CSMD3: variants seen among roughly 807,000 people sequenced by gnomAD.
CSMD3 encodes CUB and Sushi multiple domains 3.
Under a neutral mutation model 435.2 loss-of-function variants are expected in CSMD3, and 177 were observed. That is an observed-to-expected ratio of 0.41 (90% confidence interval 0.36 to 0.46). The LOEUF (loss-of-function observed/expected upper bound fraction) is 0.46, where lower values mean the gene tolerates loss of function less well. Among genes scored for constraint, CSMD3 ranks in the 20% least tolerant of loss-of-function variants. The probability of loss-of-function intolerance (pLI) is 0.34; values close to 1 mark genes in which losing one functional copy is unlikely to be tolerated. For synonymous variants in CSMD3, 1,656 were observed against 1,520.5 expected, an observed-to-expected ratio of 1.09 and a Z score of -2.07; for missense variants, 4,265 against 4,504.6, an observed-to-expected ratio of 0.95 and a Z score of 1.52.
At chr8:113,334,836 A>G (rs1054101750) in intron 1 of CSMD3, among the ~76,000 whole-genome samples, 1 of 151,940 alleles carries the variant, frequency 6.6e-6, no homozygotes, top group African/African-American at 2.4e-5. Context: ...TAAGTTGTCC[A>G]ATTGATGTGT....
chr8:113,183,663 T>C (rs1285889967), intron 3 of CSMD3, among the ~76,000 whole-genome samples: 1 of 152,040 alleles, frequency 6.6e-6, no homozygotes, highest in African/African-American at 2.4e-5. Flanking sequence ...ATTCACTCTC[T>C]TCTTGAAAAT....
chr8:113,017,061 C>CTTCAATTT (rs2086486355), intron 6 of CSMD3, among the ~76,000 whole-genome samples: 1 of 151,772 alleles, frequency 6.6e-6, no homozygotes, highest in African/African-American at 2.4e-5. Flanking sequence ...AAAATCAAAG[C>CTTCAATTT]TTCAATTTTC....
rs549255639 is a variant in CSMD3, at chr8:112,455,088, TG to T, written c.5395+17502del. ...CCATTTGACCCAGGAATCCCATTAC[TG>T]GGTATATACCCAAAGGAAAATAAAT... is the stretch of plus-strand genomic sequence containing the variant. On this transcript the variant is annotated intron_variant, in intron 32 of 70. Coordinates refer to ENST00000297405, the MANE Select transcript of CSMD3 (RefSeq NM_198123.2). 4.7e-3 allele frequency among the ~76,000 whole-genome samples: 717 copies of T among 151,806 alleles called. 3 individuals carry two copies. The highest frequency in any genetic ancestry group is 5.9e-3 in the Non-Finnish European group (398 of 67,962).
At chr8:112,806,153 T>C (rs1189118312) in intron 12 of CSMD3, among the ~76,000 whole-genome samples, 1 of 152,078 alleles carries the variant, frequency 6.6e-6, no homozygotes, top group Non-Finnish European at 1.5e-5. Context: ...AAAACTCTAA[T>C]GAAATAACTG....
chr8:112,876,514 A>G (rs2081286229), intron 10 of CSMD3, among the ~76,000 whole-genome samples: 1 of 152,220 alleles, frequency 6.6e-6, no homozygotes, highest in Non-Finnish European at 1.5e-5. Flanking sequence ...CTTGGGATGC[A>G]AGGCTGGTTC....
Position 112,830,017 on chromosome 8 carries a change from A to G in CSMD3, c.1756-228T>C, listed in dbSNP as rs567672411. On this transcript the variant is annotated intron_variant, in intron 11 of 70. Transcript: ENST00000297405. The stretch of plus-strand genomic sequence containing the variant: ...ATTCTTAAAGTTCAATCATATCATT[A>G]CATGACTTTTACTTGCTGTATTGTA... 1.7e-3 allele frequency among the ~76,000 whole-genome samples: 256 copies of G among 152,262 alleles called. 7 individuals are homozygous for G. In the South Asian group the frequency reaches 0.023, roughly 14 times the overall value.
At chr8:112,726,033 C>A (rs1315961774) in intron 13 of CSMD3, among the ~76,000 whole-genome samples, 2 of 151,870 alleles carry the variant, frequency 1.3e-5, no homozygotes, top group Admixed American at 1.3e-4. Context: ...AAAAGGGAAG[C>A]AAGGCACCTT....
intron 18 of CSMD3, among the ~76,000 whole-genome samples, chr8:112,654,681 G>A (rs1351912001): frequency 1.3e-5 from 2 of 152,140 alleles, no homozygotes; most frequent in Non-Finnish European, 2.9e-5. Context: ...ATCATTTATT[G>A]AGAACATACT....
intron 3 of CSMD3, among the ~76,000 whole-genome samples, chr8:113,273,078 A>G (rs574930113): frequency 6.6e-6 from 1 of 152,240 alleles, no homozygotes; most frequent in Admixed American, 6.5e-5. Flanking sequence ...CTCTTATTTG[A>G]TCATTACACC....
chr8:113,197,287 C>G (rs1434997383), intron 3 of CSMD3, among the ~76,000 whole-genome samples: 1 of 150,644 alleles, frequency 6.6e-6, no homozygotes, highest in Non-Finnish European at 1.5e-5. Flanking sequence ...TATAGAATTG[C>G]CTTCAGCCTA....
At chr8:112,611,421 CTTCT>C (rs1833250621) in intron 22 of CSMD3, among the ~76,000 whole-genome samples, 1 of 152,198 alleles carries the variant, frequency 6.6e-6, no homozygotes, top group South Asian at 2.1e-4. Flanking sequence ...GAGTTATTGT[CTTCT>C]TTATGTTAAT....
intron 32 of CSMD3, among the ~76,000 whole-genome samples, chr8:112,432,101 G>C (rs1465179784): frequency 6.6e-6 from 1 of 151,242 alleles, no homozygotes; most frequent in African/African-American, 2.4e-5. Context: ...ACCTCCTACA[G>C]GTGAAAAAAA....
chr8:112,987,741 A>G (rs184787686), intron 6 of CSMD3, among the ~76,000 whole-genome samples: 78 of 152,136 alleles, frequency 5.1e-4, no homozygotes, highest in African/African-American at 1.8e-3. Flanking sequence ...TATTTTCACT[A>G]TATTTCTTTT....
intron 32 of CSMD3, among the ~76,000 whole-genome samples, chr8:112,451,127 T>C (rs1816217110): frequency 6.6e-6 from 1 of 152,126 alleles, no homozygotes; most frequent in Non-Finnish European, 1.5e-5. Flanking sequence ...AAAATACAGG[T>C]AGCTACAAAT....
At chr8:113,285,216 G>A (rs1005842947) in intron 2 of CSMD3, among the ~76,000 whole-genome samples, 6 of 151,256 alleles carry the variant, frequency 4.0e-5, no homozygotes, top group African/African-American at 1.2e-4. Context: ...TGAATTAAAG[G>A]TGAGTAAGGC....
rs558642075 is a variant in CSMD3 at position 112,421,849 on chromosome 8, A to G, written c.5396-12817T>C. On this transcript the variant is annotated intron_variant, in intron 32 of 70. Transcript: ENST00000297405. ...AATATTAACTAGTTATCATTCATTA[A>G]ACCCTTACTATATGTAATGGACTGT... Among the ~76,000 whole-genome samples the G allele has an allele frequency of 7.1e-4, 108 of 152,052 alleles. 1 individual carries two copies. The highest frequency in any genetic ancestry group is 2.5e-3 in the African/African-American group (103 of 41,516).
chr8:113,081,909 A>G (rs779556760), intron 5 of CSMD3, among the ~76,000 whole-genome samples: 1 of 152,106 alleles, frequency 6.6e-6, no homozygotes, highest in African/African-American at 2.4e-5. Flanking sequence ...AGATCCTGAG[A>G]GCCACGTACC....
chr8:113,436,553 A>C (rs1244531534), intron 1 of CSMD3, 124 bp downstream of exon 1: 4 of 808,824 alleles, frequency 4.9e-6, no homozygotes, highest in African/African-American at 4.0e-5. Context: ...GCTGTGAATC[A>C]ACTCCTTTAG....
intron 1 of CSMD3, among the ~76,000 whole-genome samples, chr8:113,394,476 T>A (rs2094474635): frequency 6.6e-6 from 1 of 152,114 alleles, no homozygotes; most frequent in Non-Finnish European, 1.5e-5. Flanking sequence ...AAATATGGCC[T>A]GAAGGGGAAA....
Sources: allele counts gnomAD v4.1 joint callset (sites outside exome capture counted in the v4.1 genomes callset), GRCh38; gene constraint gnomAD v4.1.1; transcripts MANE v1.5; gene names NCBI Gene and HGNC (gene_info 2026-07-23, HGNC 2026-07-21).